Variants in SLC2A13 observed in about 807,000 individuals in gnomAD.
The protein encoded by SLC2A13 is proton myo-inositol cotransporter.
Under a neutral mutation model 64.4 loss-of-function variants are expected in SLC2A13, and 32 were observed. That is an observed-to-expected ratio of 0.50 (90% CI 0.37 to 0.67). The LOEUF (loss-of-function observed/expected upper bound fraction) is 0.67. SLC2A13 is among the 30% of genes least tolerant of loss of function. The pLI, the probability that SLC2A13 is intolerant of heterozygous loss-of-function variation, is 0.00. For missense variants in SLC2A13, 743 were observed against 829.2 expected (o/e 0.90, Z 1.28); for synonymous variants, 338 against 327.1 (o/e 1.03, Z -0.36).
At chr12:39,826,542 AT>A (rs1409207761) in intron 7 of SLC2A13, among the ~76,000 whole-genome samples, 2 of 149,928 alleles carry the variant, frequency 1.3e-5, no homozygotes, top group Non-Finnish European at 3.0e-5. Context: ...GTTTACTCTT[AT>A]ACTTGTAACA....
At chr12:39,901,667 G>A (rs1387529058) in intron 4 of SLC2A13, among the ~76,000 whole-genome samples, 1 of 128,300 alleles carries the variant, frequency 7.8e-6, no homozygotes, top group East Asian at 2.3e-4. Context: ...AGTTAGAATG[G>A]CAATCATTAA....
At chr12:40,053,788 C>T (rs768718468) in intron 1 of SLC2A13, among the ~76,000 whole-genome samples, 5 of 152,126 alleles carry the variant, frequency 3.3e-5, no homozygotes, top group African/African-American at 1.2e-4. Flanking sequence ...CACATCTGCC[C>T]AATACGCACA....
Position 39,758,924 on chromosome 12 carries a change from AT to A in SLC2A13, c.*1101del, listed in dbSNP as rs1940042176. Reference sequence around the variant, plus strand: ...GTGACATTTCCCTTAGGAAGAGCTAATAAAAAGTTAAGAAAAAAGTCCCATT... The same window carrying A: ...GTGACATTTCCCTTAGGAAGAGCTAAAAAAAGTTAAGAAAAAAGTCCCATT... On this transcript the variant is annotated 3_prime_UTR_variant, in exon 10 of 10. Coordinates refer to ENST00000280871, the MANE Select transcript of SLC2A13 (RefSeq NM_052885.4). 2 of 152,208 alleles carry A rather than the reference AT, an allele frequency of 1.3e-5. No individual in the cohort carries two copies. Among genetic ancestry groups the A allele is most frequent in the Non-Finnish European group, 1.5e-5 (1 of 67,906 alleles). 9.4% of individuals were successfully genotyped at this position (152,208 alleles called of 1,614,324 possible). A position where few individuals can be genotyped will look rare whatever the true frequency, so the allele number is the denominator to read the frequency against.
At chr12:39,903,137 G>A (rs1329510273) in intron 4 of SLC2A13, among the ~76,000 whole-genome samples, 2 of 152,104 alleles carry the variant, frequency 1.3e-5, no homozygotes, top group African/African-American at 4.8e-5. Context: ...ATCTAAATTG[G>A]TCTGATAGGC....
intron 4 of SLC2A13, among the ~76,000 whole-genome samples, chr12:39,923,454 A>AT: frequency 6.6e-6 from 1 of 152,244 alleles, no homozygotes; most frequent in Non-Finnish European, 1.5e-5. Flanking sequence ...GAATAGGCAA[A>AT]TTCATAAATC....
intron 1 of SLC2A13, among the ~76,000 whole-genome samples, chr12:40,069,598 C>T (rs1441043369): frequency 1.3e-5 from 2 of 151,440 alleles, no homozygotes; most frequent in African/African-American, 4.9e-5. Flanking sequence ...ATCTTGTTAC[C>T]ATGGAAATGC....
At chr12:39,789,112 A>T (rs1941287913) in intron 7 of SLC2A13, among the ~76,000 whole-genome samples, 4 of 152,130 alleles carry the variant, frequency 2.6e-5, no homozygotes, top group Admixed American at 2.0e-4. Context: ...TATTAACTAT[A>T]TCATTATCAG....
intron 1 of SLC2A13, among the ~76,000 whole-genome samples, chr12:40,100,900 G>T (rs1191455344): frequency 9.7e-5 from 14 of 143,794 alleles, no homozygotes. Flanking sequence ...GGGAGGTGGG[G>T]GTTGCAGTGA....
intron 6 of SLC2A13, among the ~76,000 whole-genome samples, chr12:39,843,038 C>A (rs74086737): frequency 8.3e-4 from 126 of 151,914 alleles, no homozygotes; most frequent in African/African-American, 3.0e-3. Context: ...GTTATTTCTA[C>A]GTTTTTTCGC....
intron 7 of SLC2A13, among the ~76,000 whole-genome samples, chr12:39,807,201 C>T (rs774704849): frequency 2.6e-5 from 4 of 152,164 alleles, no homozygotes; most frequent in Non-Finnish European, 4.4e-5. Context: ...AAGGACAGGG[C>T]CACGTAGGAT....
At chr12:40,053,281 C>CAAAAAAAAAAAAAA in intron 1 of SLC2A13, among the ~76,000 whole-genome samples, 1 of 69,122 alleles carries the variant, frequency 1.4e-5, no homozygotes, top group African/African-American at 5.3e-5. Context: ...GACTCCATCT[C>CAAAAAAAAAAAAAA]AAAAAAAAAA....
At chr12:39,878,480 T>C (rs541683401) in intron 4 of SLC2A13, among the ~76,000 whole-genome samples, 1 of 152,316 alleles carries the variant, frequency 6.6e-6, no homozygotes, top group African/African-American at 2.4e-5. Context: ...TCATGTGTAT[T>C]ATGCCTTAGC....
intron 3 of SLC2A13, among the ~76,000 whole-genome samples, chr12:40,024,683 C>A (rs1479218290): frequency 6.6e-6 from 1 of 152,116 alleles, no homozygotes; most frequent in Non-Finnish European, 1.5e-5. Flanking sequence ...AGAATCTTGT[C>A]AGTCTTATTT....
intron 2 of SLC2A13, among the ~76,000 whole-genome samples, chr12:40,035,592 A>G (rs993802051): frequency 6.6e-6 from 1 of 152,212 alleles, no homozygotes; most frequent in Non-Finnish European, 1.5e-5. Context: ...AAAAATTTCA[A>G]TGTGCACAGA....
chr12:39,969,767 G>A (rs1157227206), intron 3 of SLC2A13, among the ~76,000 whole-genome samples: 1 of 152,154 alleles, frequency 6.6e-6, no homozygotes, highest in Admixed American at 6.5e-5. Flanking sequence ...CACTCTGATG[G>A]TAGTTTCTTT....
intron 3 of SLC2A13, among the ~76,000 whole-genome samples, chr12:39,964,660 T>C (rs1946475285): frequency 6.6e-6 from 1 of 152,206 alleles, no homozygotes; most frequent in African/African-American, 2.4e-5. Context: ...TTGGTCACCA[T>C]ATGCAAGAGG....
At chr12:39,794,566 G>A (rs1941514628) in intron 7 of SLC2A13, among the ~76,000 whole-genome samples, 1 of 152,112 alleles carries the variant, frequency 6.6e-6, no homozygotes. Flanking sequence ...ACAGACAACT[G>A]TTCAAAGAAG....
At chr12:39,767,051 C>A (rs1940379838) in intron 7 of SLC2A13, among the ~76,000 whole-genome samples, 1 of 152,074 alleles carries the variant, frequency 6.6e-6, no homozygotes, top group African/African-American at 2.4e-5. Context: ...AATAGTGAAT[C>A]CTTTCCAGAA....
intron 3 of SLC2A13, among the ~76,000 whole-genome samples, chr12:39,967,589 G>A (rs1157898186): frequency 6.6e-6 from 1 of 152,134 alleles, no homozygotes; most frequent in Non-Finnish European, 1.5e-5. Context: ...GAAGTATGTG[G>A]CTATTATAAA....
Sources: gnomAD v4.1 joint callset for allele counts (sites outside exome capture counted in the v4.1 genomes callset) on GRCh38, gnomAD v4.1.1 for gene constraint, MANE v1.5 for transcripts, NCBI Gene and HGNC (gene_info 2026-07-23, HGNC 2026-07-21) for gene names.